Variants in ZNF236 observed in about 807,000 individuals in gnomAD.
The protein encoded by ZNF236 is zinc finger protein 236.
A neutral mutation model predicts 191.2 loss-of-function variants in ZNF236; 50 were observed. That is an observed-to-expected ratio of 0.26 (90% CI 0.21 to 0.33). The LOEUF (loss-of-function observed/expected upper bound fraction) is 0.33. ZNF236 is among the 10% of genes least tolerant of loss of function. ZNF236 has a pLI of 1.00. For synonymous variants in ZNF236, 907 were observed against 928.8 expected, an observed-to-expected ratio of 0.98 and a Z score of 0.43; for missense variants, 1,754 against 2,374.5, an observed-to-expected ratio of 0.74 and a Z score of 5.43.
At chr18:76,929,568 C>T (rs1287324644) in intron 25 of ZNF236, among the ~76,000 whole-genome samples, 1 of 152,014 alleles carries the variant, frequency 6.6e-6, no homozygotes, top group Non-Finnish European at 1.5e-5. Context: ...TTATTATTGG[C>T]CATTTGGTTA....
intron 27 of ZNF236, among the ~76,000 whole-genome samples, chr18:76,952,181 C>T (rs900868330): frequency 3.3e-5 from 5 of 152,104 alleles, no homozygotes; most frequent in Non-Finnish European, 5.9e-5. Flanking sequence ...GAAGCAGCCT[C>T]GCCACAAACT....
chr18:76,904,975 C>T (rs867691123), intron 12 of ZNF236, among the ~76,000 whole-genome samples, 180 bp from the exon 13 acceptor site: 3 of 152,276 alleles, frequency 2.0e-5, no homozygotes, highest in South Asian at 2.1e-4. Flanking sequence ...TGAGGCAGGT[C>T]GCTTAAGCAC....
chr18:76,916,427 T>C (rs1967366017), intron 19 of ZNF236, among the ~76,000 whole-genome samples: 1 of 152,192 alleles, frequency 6.6e-6, no homozygotes, highest in Non-Finnish European at 1.5e-5. Context: ...TGCCATTACG[T>C]TGTCTCATGT....
At position 76,927,244 on chromosome 18, in the gene ZNF236, G is replaced by A; in HGVS notation, c.4174-33G>A. The A allele has an allele frequency of 6.2e-7, 1 of 1,612,434 alleles. No homozygotes were observed. The highest frequency in any genetic ancestry group is 8.5e-7 in the Non-Finnish European group (1 of 1,178,544). The stretch of plus-strand genomic sequence containing the variant: ...TCTTGGCATCACAGAGAAGCATGAA[G>A]TTTTCATTACAAGTACCTGTGCTGC... On this transcript the variant is annotated intron_variant, in intron 23 of 30. Coordinates refer to ENST00000320610, the MANE Select transcript of ZNF236 (RefSeq NM_001306089.2). This position sits in a 1 kb window ranked among gnomAD's most constrained non-coding sequence, Gnocchi z 5.4.
Position 76,875,298 on chromosome 18 carries a change from C to T in ZNF236, c.668-194C>T, listed in dbSNP as rs28573871. Among the ~76,000 whole-genome samples the T allele has an allele frequency of 0.27, 41,447 of 151,932 alleles. 6,296 individuals carry two copies. The highest frequency in any genetic ancestry group is 0.39 in the African/African-American group (16,307 of 41,394). ...GGAAGCCCACAGGTGGAGCAGTTTG[C>T]GAGATGGTCAAGTGCAGTTTTGACA... On this transcript the variant is annotated intron_variant, in intron 5 of 30. Transcript: ENST00000320610. This position sits in a 1 kb window ranked among gnomAD's most constrained non-coding sequence, Gnocchi z 4.3.
At chr18:76,882,711 T>C (rs1439544795) in intron 9 of ZNF236, among the ~76,000 whole-genome samples, 1 of 152,192 alleles carries the variant, frequency 6.6e-6, no homozygotes, top group Non-Finnish European at 1.5e-5. Flanking sequence ...GTCAGGCTCT[T>C]CTTCCCCTTG....
intron 27 of ZNF236, among the ~76,000 whole-genome samples, chr18:76,952,179 CT>C (rs1968425802): frequency 6.6e-6 from 1 of 152,178 alleles, no homozygotes; most frequent in Non-Finnish European, 1.5e-5. Flanking sequence ...TCGAAGCAGC[CT>C]CGCCACAAAC....
At chr18:76,909,638 G>A (rs17060049) in intron 14 of ZNF236, among the ~76,000 whole-genome samples, 4,761 of 152,226 alleles carry the variant, frequency 0.031, 244 homozygotes, top group African/African-American at 0.11. Flanking sequence ...GCTGCGTCTG[G>A]CACAGGCTTC....
intron 1 of ZNF236, chr18:76,824,462 A>G: frequency 1.3e-6 from 1 of 780,898 alleles, no homozygotes; most frequent in Non-Finnish European, 2.4e-6. Context: ...TTAATGGTTG[A>G]TGGTGTCTGG....
At chr18:76,834,291 A>G (rs1975254672) in intron 1 of ZNF236, 1 of 167,346 alleles carries the variant, frequency 6.0e-6, no homozygotes, top group African/African-American at 2.4e-5. Context: ...CCAAGTTTGG[A>G]CTTTCAATTC....
intron 3 of ZNF236, among the ~76,000 whole-genome samples, chr18:76,860,033 G>A (rs1274578448): frequency 6.6e-6 from 1 of 152,152 alleles, no homozygotes; most frequent in Admixed American, 6.5e-5. Context: ...TCAGCCGCTG[G>A]GAGGAGTGGA....
Position 76,960,731 on chromosome 18 carries a change from T to G in ZNF236, c.5295T>G (p.Ser1765Arg). Residue 1765 changes from serine (S) to arginine (R), a missense_variant, in exon 30 of 31, where the codon AGT becomes AGG. Ser to Arg is a moderately radical substitution (Grantham distance 110). Transcript: ENST00000320610. The surrounding 1 kb of genome is among the most constrained non-coding windows in gnomAD (Gnocchi z 4.4). ...TLCEKAFNQK[S>R]ALQVHMKKHT... ...GTGAGAAAGCCTTCAACCAGAAGAG[T>G]GCGCTGCAGGTGCACATGAAGAAGC... The G allele has an allele frequency of 6.2e-7, 1 of 1,613,810 alleles. No homozygotes were observed. The highest frequency in any genetic ancestry group is 8.5e-7 in the Non-Finnish European group (1 of 1,179,928).
At chr18:76,935,865 C>G (rs1236792014) in intron 25 of ZNF236, 1 of 419,856 alleles carries the variant, frequency 2.4e-6, no homozygotes, top group Non-Finnish European at 4.8e-6. Flanking sequence ...CCCACCAGCA[C>G]TCTGTGCGGA....
intron 18 of ZNF236, 80 bp from the exon 19 acceptor site, chr18:76,915,567 G>A (rs1967334287): frequency 1.5e-6 from 2 of 1,293,826 alleles, no homozygotes; most frequent in Admixed American, 1.8e-5. Context: ...ACATATCTTT[G>A]TTTGGTTTTG....
At chr18:76,952,529 C>A (rs1276228952) in intron 27 of ZNF236, among the ~76,000 whole-genome samples, 1 of 152,180 alleles carries the variant, frequency 6.6e-6, no homozygotes, top group Non-Finnish European at 1.5e-5. Context: ...TTATCTGAAC[C>A]CACGACAGAG....
chr18:76,874,527 T>TA (rs1568206899), intron 5 of ZNF236, among the ~76,000 whole-genome samples: 1 of 151,960 alleles, frequency 6.6e-6, no homozygotes, highest in Non-Finnish European at 1.5e-5. Context: ...GCGTGCATTC[T>TA]AGGGAGGGGA....
rs74472011 is a variant in ZNF236, at chr18:76,869,443, T to A, written c.542+580T>A. ...TTTTAGAGCTCATAATCTTAACAAC[T>A]GACTATATTTGAATGCATTTATACA... On this transcript the variant is annotated intron_variant, in intron 4 of 30. Coordinates refer to ENST00000320610, the MANE Select transcript of ZNF236 (RefSeq NM_001306089.2). 3.5e-3 allele frequency among the ~76,000 whole-genome samples: 526 copies of A among 152,358 alleles called. 1 individual carries two copies. The highest frequency in any genetic ancestry group is 0.011 in the African/African-American group (454 of 41,580).
rs1977711269 is a variant in ZNF236 at position 76,905,394 on chromosome 18, A to G, written c.2276A>G (p.Lys759Arg). 3 of 1,614,000 alleles carry G rather than the reference A, an allele frequency of 1.9e-6. No individual in the cohort carries two copies. The highest frequency in any genetic ancestry group is 1.3e-5 in the African/African-American group (1 of 74,932). ...ACATTTAAGACTTCACTAAATTGCA[A>G]AAAGCACATGAAAACCCACAGGTGG... ...QKTFKTSLNC[K>R]KHMKTHRYEL... The change falls in exon 13 of 31, where the codon AAA becomes AGA. Residue 759 changes from lysine to arginine, a missense_variant. This residue lies in a region of ZNF236 where 641 missense variants were observed against 869.6 expected (regional missense o/e 0.74). Transcript: ENST00000320610.
At chr18:76,871,559 C>A in intron 4 of ZNF236, 142 bp from the exon 5 acceptor site, 2 of 822,626 alleles carry the variant, frequency 2.4e-6, no homozygotes, top group Non-Finnish European at 3.9e-6. Flanking sequence ...TACACACAGA[C>A]ACATACATAT....
Sources: gnomAD v4.1 joint callset for allele counts (sites outside exome capture counted in the v4.1 genomes callset) on GRCh38, gnomAD v4.1.1 for gene constraint, gnomAD v4.1.1 regional missense constraint, Gnocchi (gnomAD v3.1) non-coding constraint, MANE v1.5 for transcripts, NCBI Gene and HGNC (gene_info 2026-07-23, HGNC 2026-07-21) for gene names.